The following LRRC1 variants were observed in gnomAD, a reference collection of about 807,000 sequenced individuals.
LRRC1 encodes the protein leucine-rich repeat-containing protein 1.
LRRC1 carries 28 observed loss-of-function variants against 69.9 expected under a neutral mutation model. The ratio of observed to expected loss-of-function variants is 0.40; its 90% CI spans 0.30 to 0.55. The LOEUF is 0.55. LRRC1 is among the 20% of genes least tolerant of loss of function. The pLI, the probability that LRRC1 is intolerant of heterozygous loss-of-function variation, is 0.47. For synonymous variants in LRRC1, 236 were observed against 240.2 expected, an observed-to-expected ratio of 0.98 and a Z score of 0.16; for missense variants, 498 against 609.0, an observed-to-expected ratio of 0.82 and a Z score of 1.92.
intron 1 of LRRC1, among the ~76,000 whole-genome samples, chr6:53,816,685 C>T (rs1182615727): frequency 6.7e-6 from 1 of 150,264 alleles, no homozygotes; most frequent in African/African-American, 2.5e-5. Context: ...TTCTAGGATA[C>T]TTTGTAAACT....
intron 2 of LRRC1, among the ~76,000 whole-genome samples, chr6:53,847,053 A>G (rs1765970580): frequency 6.6e-6 from 1 of 152,228 alleles, no homozygotes; most frequent in Admixed American, 6.5e-5. Context: ...GGTGTATACT[A>G]CCAGCACTGC....
chr6:53,821,866 G>T (rs1363400997), intron 1 of LRRC1, among the ~76,000 whole-genome samples: 1 of 120,796 alleles, frequency 8.3e-6, no homozygotes, highest in South Asian at 3.2e-4. Context: ...GCCTTCTAAT[G>T]CTAGTAATGC....
At chr6:53,864,159 C>G (rs182957463) in intron 2 of LRRC1, among the ~76,000 whole-genome samples, 1 of 152,136 alleles carries the variant, frequency 6.6e-6, no homozygotes, top group Non-Finnish European at 1.5e-5. Context: ...ATGATCCCCC[C>G]TCTGGGTGAC....
rs566655779 is a variant in LRRC1 at position 53,803,211 on chromosome 6, T to C, written c.159+7796T>C. Among the ~76,000 whole-genome samples the C allele has an allele frequency of 2.0e-5, 3 of 152,280 alleles. No homozygotes were observed. The South Asian group carries it at 6.2e-4, about 32-fold the overall frequency. On this transcript the variant is annotated intron_variant, in intron 1 of 13. Transcript: ENST00000370888. Reference sequence around the variant, plus strand: ...GAGATTTACACAAGAGTATCAGAAATAGCAGTGTAAACATTTCTTTGCGAT... The same window carrying C: ...GAGATTTACACAAGAGTATCAGAAACAGCAGTGTAAACATTTCTTTGCGAT...
intron 2 of LRRC1, among the ~76,000 whole-genome samples, chr6:53,849,053 G>C (rs993532023): frequency 7.1e-6 from 1 of 140,652 alleles, no homozygotes; most frequent in East Asian, 2.3e-4. Context: ...CACTGCGCCC[G>C]GCCTATGCTT....
intron 1 of LRRC1, among the ~76,000 whole-genome samples, chr6:53,838,456 A>C (rs1765674502): frequency 6.6e-6 from 1 of 152,252 alleles, no homozygotes; most frequent in African/African-American, 2.4e-5. Flanking sequence ...TTCACTGTAC[A>C]TCTAAGTACC....
chr6:53,813,693 G>C (rs1249101071), intron 1 of LRRC1, among the ~76,000 whole-genome samples: 1 of 152,032 alleles, frequency 6.6e-6, no homozygotes, highest in African/African-American at 2.4e-5. Context: ...TTGACTCTGC[G>C]GGCTGCCTGT....
rs545648869 is a variant in LRRC1, at chr6:53,849,934, G to A, written c.277+7707G>A. The stretch of plus-strand genomic sequence containing the variant: ...ATTATGCCACTGTACTCCAGACTGG[G>A]GGATAGAGCAAGTCCCTTTTTAAAA... On this transcript the variant is annotated intron_variant, in intron 2 of 13. Transcript: ENST00000370888. Among the ~76,000 whole-genome samples, 5 of 152,174 alleles carry A rather than the reference G, an allele frequency of 3.3e-5. No homozygotes were observed. In the East Asian group the frequency reaches 7.7e-4, roughly 23 times the overall value.
At chr6:53,887,264 T>C (rs9296723) in intron 4 of LRRC1, among the ~76,000 whole-genome samples, 56,600 of 152,110 alleles carry the variant, frequency 0.37, 11,138 homozygotes, top group East Asian at 0.68. Context: ...TGCTTAATAT[T>C]TCTGATGTAA....
chr6:53,813,996 C>T (rs1049492858), intron 1 of LRRC1, among the ~76,000 whole-genome samples: 7 of 152,170 alleles, frequency 4.6e-5, no homozygotes, highest in Non-Finnish European at 7.3e-5. Flanking sequence ...TGCTCCTTTC[C>T]TCTATACAGA....
chr6:53,832,538 C>T (rs930781009), intron 1 of LRRC1, among the ~76,000 whole-genome samples: 2 of 152,172 alleles, frequency 1.3e-5, no homozygotes, highest in Non-Finnish European at 2.9e-5. Context: ...GAAAATCGCA[C>T]ATCAAAATAT....
intron 10 of LRRC1, 93 bp downstream of exon 10, chr6:53,904,555 G>A (rs1445096815): frequency 3.6e-6 from 3 of 835,806 alleles, no homozygotes; most frequent in East Asian, 2.8e-5. Flanking sequence ...TTGAAAAGAC[G>A]CATGTGTTGT....
intron 2 of LRRC1, among the ~76,000 whole-genome samples, chr6:53,878,129 C>T (rs1278568087): frequency 2.0e-5 from 3 of 152,070 alleles, no homozygotes; most frequent in Non-Finnish European, 1.5e-5. Context: ...CATCAGGTCT[C>T]GTGAAACTTA....
intron 2 of LRRC1, among the ~76,000 whole-genome samples, chr6:53,866,331 T>G (rs1019504361): frequency 3.9e-5 from 6 of 152,000 alleles, no homozygotes; most frequent in African/African-American, 1.2e-4. Flanking sequence ...AAGCCCAAAG[T>G]GGTTGAAGTT....
At chr6:53,880,878 A>G (rs1254011959) in intron 3 of LRRC1, among the ~76,000 whole-genome samples, 2 of 152,228 alleles carry the variant, frequency 1.3e-5, no homozygotes, top group African/African-American at 4.8e-5. Flanking sequence ...AACTTAAGGC[A>G]GCCTACAGGG....
chr6:53,833,257 A>T (rs746565325), intron 1 of LRRC1, among the ~76,000 whole-genome samples: 3 of 152,198 alleles, frequency 2.0e-5, no homozygotes, highest in Admixed American at 6.5e-5. Context: ...AGTTGCCACT[A>T]CCAGTCTGAT....
intron 8 of LRRC1, among the ~76,000 whole-genome samples, chr6:53,901,773 A>T (rs1200707967): frequency 6.6e-6 from 1 of 152,204 alleles, no homozygotes; most frequent in Non-Finnish European, 1.5e-5. Flanking sequence ...CCCTCCAGTG[A>T]CAGTGTTAGG....
intron 4 of LRRC1, among the ~76,000 whole-genome samples, chr6:53,885,381 A>C (rs1211944396): frequency 1.3e-5 from 2 of 152,224 alleles, no homozygotes; most frequent in African/African-American, 4.8e-5. Flanking sequence ...CATTTAGTTA[A>C]CCAATATTTA....
chr6:53,810,513 G>A (rs1335386627), intron 1 of LRRC1, among the ~76,000 whole-genome samples: 1 of 152,072 alleles, frequency 6.6e-6, no homozygotes, highest in Non-Finnish European at 1.5e-5. Context: ...CCAGCTACTT[G>A]GGAGGCTGAG....
Sources: allele counts gnomAD v4.1 joint callset (sites outside exome capture counted in the v4.1 genomes callset), GRCh38; gene constraint gnomAD v4.1.1; transcripts MANE v1.5; gene names NCBI Gene and HGNC (gene_info 2026-07-23, HGNC 2026-07-21).